Variants in PHACTR1 observed in about 807,000 individuals in gnomAD.
PHACTR1 encodes phosphatase and actin regulator 1.
In PHACTR1, 16 loss-of-function variants were observed where a neutral mutation model predicts 69.2. The observed-to-expected ratio is 0.23, with a 90% CI of 0.16 to 0.35. The LOEUF (loss-of-function observed/expected upper bound fraction) is 0.35. Among genes scored for constraint, PHACTR1 ranks in the 10% least tolerant of loss-of-function variants. The pLI is 1.00. For missense variants in PHACTR1, 510 were observed against 734.7 expected, an observed-to-expected ratio of 0.69 and a Z score of 3.54; for synonymous variants, 312 against 284.5, an observed-to-expected ratio of 1.10 and a Z score of -0.97.
At chr6:12,984,344 T>G (rs1260330998) in intron 4 of PHACTR1, among the ~76,000 whole-genome samples, 1 of 152,126 alleles carries the variant, frequency 6.6e-6, no homozygotes, top group Admixed American at 6.5e-5. Context: ...TGTTGTTGTT[T>G]TTTGGAAATT....
intron 5 of PHACTR1, among the ~76,000 whole-genome samples, chr6:13,134,296 C>A (rs950134776): frequency 2.6e-5 from 4 of 152,366 alleles, no homozygotes; most frequent in Non-Finnish European, 5.9e-5. Context: ...GGAAGTGTAC[C>A]CAGCAGCTCA....
intron 4 of PHACTR1, among the ~76,000 whole-genome samples, chr6:13,020,498 C>A (rs770194923): frequency 6.6e-6 from 1 of 152,056 alleles, no homozygotes; most frequent in African/African-American, 2.4e-5. Flanking sequence ...GGTGGGGAAC[C>A]CATCTCCTCC....
At chr6:12,923,193 G>A (rs1293460343) in intron 4 of PHACTR1, among the ~76,000 whole-genome samples, 1 of 152,160 alleles carries the variant, frequency 6.6e-6, no homozygotes. Flanking sequence ...CAAACTAGAA[G>A]AGATGAGAGG....
rs9395343 is a variant in PHACTR1, at chr6:13,041,339, T to C, written c.251-12026T>C. Among the ~76,000 whole-genome samples, 1,026 of 135,470 alleles carry C rather than the reference T, an allele frequency of 7.6e-3. 18 individuals are homozygous for C. Among genetic ancestry groups the C allele is most frequent in the Non-Finnish European group, 0.01 (654 of 64,094 alleles). 88.9% of individuals were successfully genotyped at this position (135,470 alleles called of 152,430 possible). ...AGCCACTGGTGGTAATTAAAATACATACACACACACACACACACACACACA... is the reference window on the plus strand; with the variant it reads ...AGCCACTGGTGGTAATTAAAATACACACACACACACACACACACACACACA... On this transcript the variant is annotated intron_variant, in intron 4 of 14. Transcript: ENST00000332995.
At chr6:13,200,255 G>T (rs565054951) in intron 7 of PHACTR1, among the ~76,000 whole-genome samples, 83 of 152,124 alleles carry the variant, frequency 5.5e-4, no homozygotes, top group African/African-American at 2.0e-3. Context: ...CTGTCACCCA[G>T]ACTGGAGTGT....
intron 4 of PHACTR1, among the ~76,000 whole-genome samples, chr6:12,817,550 A>G (rs1205262841): frequency 2.0e-5 from 3 of 152,220 alleles, no homozygotes; most frequent in African/African-American, 7.2e-5. Context: ...TGCTCTTGCT[A>G]CAGTTGAGTG....
intron 4 of PHACTR1, among the ~76,000 whole-genome samples, chr6:13,017,794 T>TGGCC (rs1800404824): frequency 3.9e-5 from 6 of 152,062 alleles, no homozygotes; most frequent in African/African-American, 1.4e-4. Flanking sequence ...AATAAAATAT[T>TGGCC]TTAACAGTTT....
Position 12,810,053 on chromosome 6 carries a change from T to C in PHACTR1, c.250+60263T>C, listed in dbSNP as rs374736410. 4.2e-3 allele frequency among the ~76,000 whole-genome samples: 639 copies of C among 152,338 alleles called. 5 individuals carry two copies. The highest frequency in any genetic ancestry group is 0.015 in the African/African-American group (617 of 41,574). The stretch of plus-strand genomic sequence containing the variant: ...TGTGTAGATAGATCCATTGCCTGGA[T>C]AGTTACATTTGCTTCCCAACAAGTC... On this transcript the variant is annotated intron_variant, in intron 4 of 14. Coordinates refer to ENST00000332995, the MANE Select transcript of PHACTR1 (RefSeq NM_030948.6).
At chr6:12,918,615 G>A (rs1170276437) in intron 4 of PHACTR1, among the ~76,000 whole-genome samples, 2 of 152,208 alleles carry the variant, frequency 1.3e-5, no homozygotes, top group Non-Finnish European at 2.9e-5. Flanking sequence ...TTAATTTGAT[G>A]TGATGTCATT....
chr6:12,733,053 C>T (rs1265230236), intron 3 of PHACTR1, among the ~76,000 whole-genome samples: 3 of 152,238 alleles, frequency 2.0e-5, no homozygotes, highest in African/African-American at 4.8e-5. Flanking sequence ...CCTTCTTAGA[C>T]TCATACATTT....
chr6:13,128,289 TA>T (rs58481010), intron 5 of PHACTR1, among the ~76,000 whole-genome samples: 104,238 of 137,956 alleles, frequency 0.76, 38,473 homozygotes, highest in Non-Finnish European at 0.79. Context: ...GGATCCAAAC[TA>T]AAAAAAAAAT....
At chr6:12,969,432 A>AT (rs1793901193) in intron 4 of PHACTR1, among the ~76,000 whole-genome samples, 1 of 152,172 alleles carries the variant, frequency 6.6e-6, no homozygotes, top group Non-Finnish European at 1.5e-5. Flanking sequence ...CCTGTCTTGT[A>AT]TTTTCACCCC....
intron 8 of PHACTR1, among the ~76,000 whole-genome samples, chr6:13,206,540 C>T (rs1237985724): frequency 6.6e-6 from 1 of 152,118 alleles, no homozygotes; most frequent in Admixed American, 6.5e-5. Flanking sequence ...AAAAATATCA[C>T]CAAACTTCTA....
chr6:13,242,400 G>A (rs1772984362), intron 10 of PHACTR1, among the ~76,000 whole-genome samples: 1 of 152,170 alleles, frequency 6.6e-6, no homozygotes, highest in African/African-American at 2.4e-5. Context: ...CAGGTCTTTA[G>A]GTCATGATTC....
intron 5 of PHACTR1, among the ~76,000 whole-genome samples, chr6:13,144,845 G>C (rs1328375192): frequency 6.6e-6 from 1 of 151,406 alleles, no homozygotes; most frequent in Non-Finnish European, 1.5e-5. Flanking sequence ...GAAGAACCAA[G>C]TTAAAGGATG....
intron 4 of PHACTR1, among the ~76,000 whole-genome samples, chr6:12,938,170 C>T (rs924892619): frequency 2.0e-5 from 3 of 152,084 alleles, no homozygotes; most frequent in African/African-American, 7.2e-5. Context: ...TTTTATTAAG[C>T]ACCTAACAAA....
At chr6:13,158,225 C>T (rs1423867356) in intron 5 of PHACTR1, among the ~76,000 whole-genome samples, 1 of 152,136 alleles carries the variant, frequency 6.6e-6, no homozygotes, top group Non-Finnish European at 1.5e-5. Context: ...TCTAACCTAA[C>T]TGCATGCAAT....
chr6:13,264,622 G>A (rs969560520), intron 10 of PHACTR1, among the ~76,000 whole-genome samples: 2 of 152,228 alleles, frequency 1.3e-5, no homozygotes, highest in African/African-American at 4.8e-5. Flanking sequence ...GGGAGGCTGA[G>A]GCAGGAGAAT....
chr6:12,845,426 CCCA>C (rs1561938756), intron 4 of PHACTR1, among the ~76,000 whole-genome samples: 1 of 7,482 alleles, frequency 1.3e-4, no homozygotes, highest in Non-Finnish European at 3.3e-4. Flanking sequence ...GTGAACACCA[CCCA>C]CCCCCCCCCC....
Sources: gnomAD v4.1 joint callset for allele counts (sites outside exome capture counted in the v4.1 genomes callset) on GRCh38, gnomAD v4.1.1 for gene constraint, MANE v1.5 for transcripts, NCBI Gene and HGNC (gene_info 2026-07-23, HGNC 2026-07-21) for gene names.